The following SLC9C1 variants were observed in gnomAD, a reference collection of about 807,000 sequenced individuals.
SLC9C1 encodes sodium/hydrogen exchanger 10.
A neutral mutation model predicts 140.9 loss-of-function variants in SLC9C1; 97 were observed. The ratio of observed to expected loss-of-function variants is 0.69; its 90% CI spans 0.58 to 0.82. The LOEUF (loss-of-function observed/expected upper bound fraction) is 0.82, where lower values mean the gene tolerates loss of function less well. SLC9C1 is among the 40% of genes least tolerant of loss of function. The pLI is 0.00. For missense variants in SLC9C1, 1,340 were observed against 1,389.3 expected, an observed-to-expected ratio of 0.96 and a Z score of 0.56; for synonymous variants, 440 against 442.6, an observed-to-expected ratio of 0.99 and a Z score of 0.07.
Position 112,239,902 on chromosome 3 carries a change from C to T in SLC9C1, c.1384G>A (p.Asp462Asn). 2 of 1,613,952 alleles carry T rather than the reference C, an allele frequency of 1.2e-6. No individual in the cohort carries two copies. Among genetic ancestry groups the T allele is most frequent in the African/African-American group, 2.7e-5 (2 of 75,032 alleles). The change falls in exon 12 of 29, where the codon GAT (aspartate) becomes AAT (asparagine). Residue 462 changes from aspartate (D) to asparagine (N), a missense_variant. Transcript: ENST00000305815. ...ATGTTCCAATCAGCATTAGCAAGAT[C>T]TTTGTCAAATTTAAGGGCAGAGGCT... ...SAASALKFDK[D>N]LANADWNMIE...
intron 26 of SLC9C1, among the ~76,000 whole-genome samples, chr3:112,165,865 G>C (rs761066340): frequency 1.7e-4 from 26 of 152,236 alleles, no homozygotes; most frequent in Admixed American, 1.2e-3. Context: ...CCTGCCCCCA[G>C]AGGTGGCATC....
At chr3:112,233,050 C>CACACATATATATATAT (rs1326383624) in intron 12 of SLC9C1, among the ~76,000 whole-genome samples, 2 of 86,626 alleles carry the variant, frequency 2.3e-5, no homozygotes, top group African/African-American at 7.8e-5. Context: ...CACACACACA[C>CACACATATATATATAT]ATATATATAT....
At chr3:112,210,737 G>A (rs2078178773) in intron 15 of SLC9C1, among the ~76,000 whole-genome samples, 1 of 152,040 alleles carries the variant, frequency 6.6e-6, no homozygotes, top group Non-Finnish European at 1.5e-5. Flanking sequence ...ATTTAGGGTG[G>A]TGGCTGACCC....
intron 28 of SLC9C1, among the ~76,000 whole-genome samples, chr3:112,144,047 T>C (rs538448280): frequency 6.6e-6 from 1 of 152,208 alleles, no homozygotes; most frequent in African/African-American, 2.4e-5. Context: ...TGTTGAAGAT[T>C]AGATGGTTGT....
intron 5 of SLC9C1, 58 bp from the exon 6 acceptor site, chr3:112,275,083 A>G (rs2080179924): frequency 6.7e-7 from 1 of 1,482,174 alleles, no homozygotes; most frequent in African/African-American, 1.5e-5. Flanking sequence ...TAAAAATTAA[A>G]TGTTAAAGAA....
intron 25 of SLC9C1, among the ~76,000 whole-genome samples, chr3:112,167,806 CT>C (rs1313639634): frequency 2.6e-5 from 4 of 152,132 alleles, no homozygotes; most frequent in African/African-American, 9.7e-5. Context: ...GGCTCTGTTT[CT>C]AGGAAAGTAG....
At chr3:112,217,408 A>G in intron 15 of SLC9C1, 34 bp downstream of exon 15, 2 of 1,550,148 alleles carry the variant, frequency 1.3e-6, no homozygotes, top group East Asian at 2.3e-5. Context: ...AAGTGAATAT[A>G]ATAGCATTTC....
At chr3:112,165,828 A>T (rs1185300651) in intron 26 of SLC9C1, among the ~76,000 whole-genome samples, 1 of 152,136 alleles carries the variant, frequency 6.6e-6, no homozygotes, top group Admixed American at 6.5e-5. Flanking sequence ...TCTGCAGAGG[A>T]TTCTGCTGCC....
At chr3:112,160,211 T>A (rs1241065474) in intron 26 of SLC9C1, among the ~76,000 whole-genome samples, 1 of 151,130 alleles carries the variant, frequency 6.6e-6, no homozygotes, top group African/African-American at 2.4e-5. Flanking sequence ...TTAAATAAGT[T>A]ATTTATTTAT....
chr3:112,204,118 A>G (rs566822411), intron 17 of SLC9C1, 100 bp downstream of exon 17: 1 of 1,234,684 alleles, frequency 8.1e-7, no homozygotes, highest in South Asian at 2.5e-5. Flanking sequence ...CATTAACCCA[A>G]CAGAATATGT....
intron 28 of SLC9C1, among the ~76,000 whole-genome samples, chr3:112,146,552 G>T (rs570502146): frequency 1.3e-5 from 2 of 152,162 alleles, no homozygotes; most frequent in African/African-American, 4.8e-5. Context: ...TTTTTGCCTT[G>T]ATTTAATTGT....
intron 2 of SLC9C1, among the ~76,000 whole-genome samples, chr3:112,285,651 C>A (rs149814941): frequency 6.6e-6 from 1 of 152,316 alleles, no homozygotes; most frequent in East Asian, 1.9e-4. Context: ...GCCAGGACTC[C>A]TTGCGTGGAA....
chr3:112,227,284 C>CA (rs1443798832), intron 13 of SLC9C1, among the ~76,000 whole-genome samples: 1 of 151,952 alleles, frequency 6.6e-6, no homozygotes, highest in Non-Finnish European at 1.5e-5. Context: ...AACAACACAA[C>CA]AAAAAAAGAA....
At chr3:112,247,716 G>A (rs1300722639) in intron 10 of SLC9C1, among the ~76,000 whole-genome samples, 1 of 152,002 alleles carries the variant, frequency 6.6e-6, no homozygotes, top group East Asian at 1.9e-4. Flanking sequence ...GATAGAAGCA[G>A]CTCTTAGAAG....
intron 15 of SLC9C1, among the ~76,000 whole-genome samples, chr3:112,212,398 A>T (rs1047574313): frequency 1.3e-5 from 2 of 152,210 alleles, no homozygotes; most frequent in African/African-American, 4.8e-5. Context: ...TCAGATGATC[A>T]AACTTCTCCG....
At chr3:112,225,353 G>A (rs2078654191) in intron 13 of SLC9C1, among the ~76,000 whole-genome samples, 1 of 151,980 alleles carries the variant, frequency 6.6e-6, no homozygotes, top group Non-Finnish European at 1.5e-5. Context: ...TCACTAGACT[G>A]GACTCACAAG....
chr3:112,258,615 T>C (rs1395546891), intron 10 of SLC9C1, among the ~76,000 whole-genome samples: 1 of 151,870 alleles, frequency 6.6e-6, no homozygotes, highest in African/African-American at 2.4e-5. Flanking sequence ...TTTTTATTTT[T>C]AGTTTTACAG....
chr3:112,226,613 T>A (rs2078688796), intron 13 of SLC9C1, among the ~76,000 whole-genome samples: 1 of 152,012 alleles, frequency 6.6e-6, no homozygotes, highest in South Asian at 2.1e-4. Flanking sequence ...TCACAGCTAC[T>A]CAGGAGGCTG....
At chr3:112,239,805 G>T (rs1441539110) in intron 12 of SLC9C1, 35 bp downstream of exon 12, 12 of 1,550,034 alleles carry the variant, frequency 7.7e-6, no homozygotes, top group African/African-American at 1.4e-5. Flanking sequence ...AATCAAATCT[G>T]CATTAAAGCA....
Sources: allele counts gnomAD v4.1 joint callset (sites outside exome capture counted in the v4.1 genomes callset), GRCh38; gene constraint gnomAD v4.1.1; transcripts MANE v1.5; gene names NCBI Gene and HGNC (gene_info 2026-07-23, HGNC 2026-07-21).